Variants in PAFAH1B1 observed in about 807,000 individuals in gnomAD.
PAFAH1B1 encodes platelet activating factor acetylhydrolase 1b regulatory subunit 1.
Under a neutral mutation model 57.5 loss-of-function variants are expected in PAFAH1B1, and 2 were observed. That is an observed-to-expected ratio of 0.03 (90% CI 0.01 to 0.11). The LOEUF is 0.11. Ranked by LOEUF, PAFAH1B1 falls within the 10% of genes least tolerant of loss-of-function variation. The pLI is 1.00. For missense variants in PAFAH1B1, 257 were observed against 512.0 expected, an observed-to-expected ratio of 0.50 and a Z score of 4.81; for synonymous variants, 152 against 169.6, an observed-to-expected ratio of 0.90 and a Z score of 0.81.
In PAFAH1B1 at chr17:2,664,554, T is replaced by G. The variant is rs149612915; in HGVS notation, c.33-818T>G. Among the ~76,000 whole-genome samples the G allele has an allele frequency of 2.1e-3, 325 of 152,012 alleles. 1 individual carries two copies. Among genetic ancestry groups the G allele is most frequent in the African/African-American group, 7.4e-3 (309 of 41,492 alleles). On this transcript the variant is annotated intron_variant, in intron 2 of 10. Coordinates refer to ENST00000397195, the MANE Select transcript of PAFAH1B1 (RefSeq NM_000430.4). ...CCGAGTAGCTGGGATTACAGGGGCT[T>G]GCCACCACGCCAGCTAATTTTTGTA... is the stretch of plus-strand genomic sequence containing the variant.
intron 5 of PAFAH1B1, chr17:2,667,546 G>C (rs949563185): frequency 1.2e-5 from 4 of 321,352 alleles, no homozygotes; most frequent in Non-Finnish European, 1.8e-5. Context: ...CACTAACTGA[G>C]TTGATGTCAG....
At chr17:2,677,187 C>G (rs753043609) in intron 9 of PAFAH1B1, among the ~76,000 whole-genome samples, 3 of 152,158 alleles carry the variant, frequency 2.0e-5, no homozygotes, top group Non-Finnish European at 2.9e-5. Flanking sequence ...TGTAATATCT[C>G]TTACGGAGAA....
chr17:2,601,820 T>G (rs550182257), intron 1 of PAFAH1B1, among the ~76,000 whole-genome samples: 76 of 152,152 alleles, frequency 5.0e-4, no homozygotes, highest in Admixed American at 4.8e-3. Context: ...CTAAGCAAAC[T>G]GCCTCAAGCC....
At chr17:2,596,490 T>A (rs1455329479) in intron 1 of PAFAH1B1, among the ~76,000 whole-genome samples, 1 of 152,216 alleles carries the variant, frequency 6.6e-6, no homozygotes, top group African/African-American at 2.4e-5. Flanking sequence ...TGTGAGATAC[T>A]GCCATAAGCT....
chr17:2,628,841 A>G (rs2068523321), intron 1 of PAFAH1B1, among the ~76,000 whole-genome samples: 1 of 152,116 alleles, frequency 6.6e-6, no homozygotes, highest in Non-Finnish European at 1.5e-5. Context: ...CCAAGAATTT[A>G]TCCATCTCTT....
At chr17:2,607,775 C>T (rs1463310269) in intron 1 of PAFAH1B1, among the ~76,000 whole-genome samples, 2 of 152,144 alleles carry the variant, frequency 1.3e-5, no homozygotes, top group Non-Finnish European at 2.9e-5. Flanking sequence ...TGTGAATCAC[C>T]GCACCCGGCT....
At chr17:2,626,665 C>CGTTT (rs2068498140) in intron 1 of PAFAH1B1, among the ~76,000 whole-genome samples, 2 of 148,410 alleles carry the variant, frequency 1.3e-5, no homozygotes, top group Non-Finnish European at 3.0e-5. Context: ...AGCAATTCAA[C>CGTTT]TGCCTCAGCC....
rs1234451404 is a variant in PAFAH1B1 at position 2,684,125 on chromosome 17, A to G, written c.*2323A>G. 1 of 152,662 alleles carries G rather than the reference A, an allele frequency of 6.6e-6. No individual in the cohort carries two copies. Among genetic ancestry groups the G allele is most frequent in the Non-Finnish European group, 1.5e-5 (1 of 68,042 alleles). 9.5% of individuals were successfully genotyped at this position (152,662 alleles called of 1,614,324 possible). On this transcript the variant is annotated 3_prime_UTR_variant, in exon 11 of 11. Coordinates refer to ENST00000397195, the MANE Select transcript of PAFAH1B1 (RefSeq NM_000430.4). ...CCACAGCCTGCTGCTGAGTTGAGTT[A>G]CCAGACATCCTCCATGTGAGAAGCA...
chr17:2,672,232 T>C (rs1330677841), intron 6 of PAFAH1B1, among the ~76,000 whole-genome samples: 1 of 130,690 alleles, frequency 7.7e-6, no homozygotes, highest in African/African-American at 2.9e-5. Context: ...TACAGTGAGC[T>C]ATGATTGCAC....
chr17:2,678,223 G>A (rs951641072), intron 9 of PAFAH1B1, among the ~76,000 whole-genome samples: 1 of 151,824 alleles, frequency 6.6e-6, no homozygotes, highest in African/African-American at 2.4e-5. Context: ...CCAACATGGA[G>A]GAACCCCATC....
chr17:2,614,976 T>C (rs1033218214), intron 1 of PAFAH1B1, among the ~76,000 whole-genome samples: 1 of 152,186 alleles, frequency 6.6e-6, no homozygotes, highest in Non-Finnish European at 1.5e-5. Flanking sequence ...TCCTTCCCAC[T>C]ATTTGTGGCA....
At chr17:2,642,000 A>G (rs937542059) in intron 2 of PAFAH1B1, 2 of 152,170 alleles carry the variant, frequency 1.3e-5, no homozygotes, top group African/African-American at 4.8e-5. Flanking sequence ...GATGCTACAA[A>G]GAAAATTATC....
In PAFAH1B1 at chr17:2,608,932, C is replaced by T. The variant is rs149210453; in HGVS notation, c.-191+14926C>T. Among the ~76,000 whole-genome samples, 1,208 of 152,232 alleles carry T rather than the reference C, an allele frequency of 7.9e-3. 8 individuals are homozygous for T. Among genetic ancestry groups the T allele is most frequent in the Admixed American group, 0.013 (194 of 15,288 alleles). The stretch of plus-strand genomic sequence containing the variant: ...TCCTAAACTTCATTCTGTTTTCTTC[C>T]GTCTCTTCAACCATTCAAACATATT... On this transcript the variant is annotated intron_variant, in intron 1 of 10. Transcript: ENST00000397195.
chr17:2,615,419 C>T (rs1341070844), intron 1 of PAFAH1B1, among the ~76,000 whole-genome samples: 3 of 152,102 alleles, frequency 2.0e-5, no homozygotes, highest in Non-Finnish European at 2.9e-5. Flanking sequence ...GGCTTCATTT[C>T]GAAGACAAAA....
chr17:2,630,492 AG>A lies in PAFAH1B1; in HGVS notation c.-190-7605del, dbSNP rs2151629097. Among the ~76,000 whole-genome samples, 4 of 152,300 alleles carry A rather than the reference AG, an allele frequency of 2.6e-5. 1 individual carries two copies. The East Asian group carries it at 7.7e-4, about 29-fold the overall frequency. ...CTGAGAAATCTGCTGTTAAACTGAT[AG>A]GTTTTCCTTTATAGGTTACCTGGTG... On this transcript the variant is annotated intron_variant, in intron 1 of 10. Transcript: ENST00000397195.
At chr17:2,596,006 T>A (rs2068080763) in intron 1 of PAFAH1B1, among the ~76,000 whole-genome samples, 1 of 152,202 alleles carries the variant, frequency 6.6e-6, no homozygotes, top group South Asian at 2.1e-4. Context: ...TTATGTTTTG[T>A]AAGGTTATTT....
chr17:2,614,067 C>A (rs2068306987), intron 1 of PAFAH1B1: 1 of 133,852 alleles, frequency 7.5e-6, no homozygotes, highest in South Asian at 2.2e-4. Flanking sequence ...GCTCTGTCGC[C>A]CAGGGTGGAG....
At chr17:2,662,297 G>T (rs2069025600) in intron 2 of PAFAH1B1, among the ~76,000 whole-genome samples, 1 of 151,500 alleles carries the variant, frequency 6.6e-6, no homozygotes, top group South Asian at 2.1e-4. Flanking sequence ...TTTGCTCATG[G>T]ATAAAAGTCC....
At chr17:2,653,583 A>G (rs1017197006) in intron 2 of PAFAH1B1, among the ~76,000 whole-genome samples, 1 of 152,162 alleles carries the variant, frequency 6.6e-6, no homozygotes, top group Non-Finnish European at 1.5e-5. Flanking sequence ...TGAGACTGCA[A>G]GTTGAGCTGT....
Sources: allele counts gnomAD v4.1 joint callset (sites outside exome capture counted in the v4.1 genomes callset), GRCh38; gene constraint gnomAD v4.1.1; transcripts MANE v1.5; gene names NCBI Gene and HGNC (gene_info 2026-07-23, HGNC 2026-07-21).